Variants in TIAM1 observed in about 807,000 individuals in gnomAD.
The protein encoded by TIAM1 is rho guanine nucleotide exchange factor TIAM1.
In TIAM1, 65 loss-of-function variants were observed where a neutral mutation model predicts 163.5. That is an observed-to-expected ratio of 0.40 (90% CI 0.33 to 0.49). TIAM1 has a LOEUF of 0.49. Among genes scored for constraint, TIAM1 ranks in the 20% least tolerant of loss-of-function variants. The probability of loss-of-function intolerance (pLI) is 0.77; values close to 1 mark genes in which losing one functional copy is unlikely to be tolerated. For synonymous variants in TIAM1, 833 were observed against 810.1 expected, an observed-to-expected ratio of 1.03 and a Z score of -0.48; for missense variants, 1,789 against 2,044.7, an observed-to-expected ratio of 0.87 and a Z score of 2.41.
At chr21:31,294,659 A>C (rs1353084542) in intron 2 of TIAM1, among the ~76,000 whole-genome samples, 1 of 152,234 alleles carries the variant, frequency 6.6e-6, no homozygotes, top group African/African-American at 2.4e-5. Context: ...AAAAAACATG[A>C]TTGTGGGCAT....
chr21:31,446,904 A>C (rs2044646251), intron 2 of TIAM1, among the ~76,000 whole-genome samples: 1 of 152,238 alleles, frequency 6.6e-6, no homozygotes, highest in South Asian at 2.1e-4. Flanking sequence ...GAAAAGATTT[A>C]CTTTGAAGAA....
At chr21:31,180,859 G>C (rs1248082839) in intron 15 of TIAM1, among the ~76,000 whole-genome samples, 1 of 152,220 alleles carries the variant, frequency 6.6e-6, no homozygotes, top group South Asian at 2.1e-4. Flanking sequence ...AATGAGTCAA[G>C]GAAGTCAACT....
At chr21:31,465,126 A>G (rs1354763104) in intron 1 of TIAM1, among the ~76,000 whole-genome samples, 1 of 151,896 alleles carries the variant, frequency 6.6e-6, no homozygotes, top group Non-Finnish European at 1.5e-5. Flanking sequence ...TCAACCTGGG[A>G]GGTCAAGGCT....
intron 2 of TIAM1, among the ~76,000 whole-genome samples, chr21:31,287,121 T>C (rs897644393): frequency 6.6e-6 from 1 of 152,212 alleles, no homozygotes; most frequent in African/African-American, 2.4e-5. Context: ...ACAATCACAA[T>C]GGTGTATTGG....
chr21:31,283,471 T>C (rs1481547177), intron 2 of TIAM1, among the ~76,000 whole-genome samples: 1 of 152,206 alleles, frequency 6.6e-6, no homozygotes, highest in Admixed American at 6.5e-5. Flanking sequence ...GAGAATCATG[T>C]GCTTTCTCCA....
At chr21:31,353,244 A>G (rs1474035673) in intron 2 of TIAM1, among the ~76,000 whole-genome samples, 2 of 152,188 alleles carry the variant, frequency 1.3e-5, no homozygotes, top group African/African-American at 2.4e-5. Flanking sequence ...CAAATTCTTA[A>G]TTGTAAATAT....
At position 31,538,560 on chromosome 21, in the gene TIAM1, G is replaced by A. The variant is rs556665594; in HGVS notation, c.-422+20367C>T. Reference sequence around the variant, plus strand: ...TGTAAAATGGGGATGATATCACCCCGTTTACAGCAAAGCTCTCCTGCCTGA... The same window carrying A: ...TGTAAAATGGGGATGATATCACCCCATTTACAGCAAAGCTCTCCTGCCTGA... On this transcript the variant is annotated intron_variant, in intron 1 of 28. Coordinates refer to the TIAM1 transcript ENST00000286827. 1.6e-3 allele frequency among the ~76,000 whole-genome samples: 244 copies of A among 152,200 alleles called. 1 individual carries two copies. The highest frequency in any genetic ancestry group is 2.8e-3 in the Non-Finnish European group (192 of 68,024).
intron 14 of TIAM1, 113 bp downstream of exon 14, chr21:31,186,888 G>C: frequency 6.6e-6 from 6 of 905,284 alleles, no homozygotes. Context: ...ATGAGAAAAT[G>C]TTCAAATACT....
At chr21:31,181,756 CTTTTTTTTTTTTTTTTTTTTTTTTTTT>C (rs781153297) in intron 15 of TIAM1, among the ~76,000 whole-genome samples, 549 of 41,336 alleles carry the variant, frequency 0.013, 39 homozygotes, top group Middle Eastern at 0.032. Flanking sequence ...TCTTCTTCTT[CTTTTTTTTTTTTTTTTTTTTTTTTTTT>C]TTTTTTTTTT....
chr21:31,150,133 C>T, intron 19 of TIAM1, among the ~76,000 whole-genome samples: 1 of 152,150 alleles, frequency 6.6e-6, no homozygotes, highest in Non-Finnish European at 1.5e-5. Context: ...GAATTCTCTG[C>T]ACTATTCTTG....
chr21:31,464,982 C>T (rs980208040), intron 1 of TIAM1, among the ~76,000 whole-genome samples: 5 of 151,966 alleles, frequency 3.3e-5, no homozygotes, highest in Non-Finnish European at 5.9e-5. Context: ...CGCACTCCAG[C>T]TTGGGGGACA....
chr21:31,118,637 G>A lies in TIAM1; in HGVS notation c.*1731C>T. The A allele has an allele frequency of 2.1e-6, 1 of 471,288 alleles. No homozygotes were observed. The highest frequency in any genetic ancestry group is 4.4e-6 in the Non-Finnish European group (1 of 227,104). 29.2% of individuals were successfully genotyped at this position (471,288 alleles called of 1,614,324 possible). A position where few individuals can be genotyped will look rare whatever the true frequency, so the allele number is the denominator to read the frequency against. On this transcript the variant is annotated 3_prime_UTR_variant, in exon 28 of 28. Coordinates refer to ENST00000541036, the MANE Select transcript of TIAM1 (RefSeq NM_001353694.2). ...ATGTGTTGCACTGGAGCCAGTAAATGCGACGATTAGAAGCCTCTGCTTCCG... is the reference window on the plus strand; with the variant it reads ...ATGTGTTGCACTGGAGCCAGTAAATACGACGATTAGAAGCCTCTGCTTCCG...
At chr21:31,240,172 C>G (rs534540152) in intron 6 of TIAM1, among the ~76,000 whole-genome samples, 1 of 152,234 alleles carries the variant, frequency 6.6e-6, no homozygotes, top group African/African-American at 2.4e-5. Flanking sequence ...ATAGCGTCTA[C>G]TCTCGAAAGT....
chr21:31,260,700 G>GAAA (rs36041797), intron 4 of TIAM1, among the ~76,000 whole-genome samples: 2 of 120,930 alleles, frequency 1.7e-5, no homozygotes, highest in Non-Finnish European at 1.7e-5. Flanking sequence ...AAAGAGAAAA[G>GAAA]AAAAAAAAAA....
At chr21:31,218,460 T>C (rs939196243) in intron 8 of TIAM1, among the ~76,000 whole-genome samples, 4 of 152,008 alleles carry the variant, frequency 2.6e-5, no homozygotes, top group Non-Finnish European at 4.4e-5. Flanking sequence ...TCCTAGCTAC[T>C]TGGGAAGCTG....
intron 24 of TIAM1, 150 bp from the exon 25 acceptor site, chr21:31,130,465 C>A: frequency 1.6e-6 from 1 of 638,658 alleles, no homozygotes. Flanking sequence ...GTCCATCCAG[C>A]AGGAAGTGAG....
rs117221638 is a variant in TIAM1, at chr21:31,375,021, T to C, written c.-368-35599A>G. Among the ~76,000 whole-genome samples the C allele has an allele frequency of 4.5e-3, 680 of 152,316 alleles. 1 individual carries two copies. Among genetic ancestry groups the C allele is most frequent in the South Asian group, 0.018 (88 of 4,830 alleles). On this transcript the variant is annotated intron_variant, in intron 2 of 28. Coordinates refer to the TIAM1 transcript ENST00000286827. ...AGGGTGAAATTTCTGGTCTTTACAT[T>C]AGACACAGTGACTCAGATTCTTTAG...
intron 3 of TIAM1, among the ~76,000 whole-genome samples, chr21:31,272,399 T>C (rs931883379): frequency 6.6e-6 from 1 of 151,788 alleles, no homozygotes; most frequent in African/African-American, 2.4e-5. Flanking sequence ...TTAGTTAGGG[T>C]GGTTCATATA....
intron 16 of TIAM1, among the ~76,000 whole-genome samples, chr21:31,164,306 C>T (rs139412597): frequency 1.3e-5 from 2 of 151,256 alleles, no homozygotes; most frequent in South Asian, 2.1e-4. Context: ...AGAAGAATGG[C>T]GTGAACCCGG....
Sources: gnomAD v4.1 joint callset for allele counts (sites outside exome capture counted in the v4.1 genomes callset) on GRCh38, gnomAD v4.1.1 for gene constraint, MANE v1.5 for transcripts, NCBI Gene and HGNC (gene_info 2026-07-23, HGNC 2026-07-21) for gene names.